SCAPER: variants seen among roughly 807,000 people sequenced by gnomAD.
SCAPER encodes the protein S-phase cyclin A associated protein in the ER.
SCAPER carries 98 observed loss-of-function variants against 182.2 expected under a neutral mutation model. The observed-to-expected ratio is 0.54, with a 90% CI of 0.46 to 0.64. The LOEUF (loss-of-function observed/expected upper bound fraction) is 0.64. SCAPER is among the 30% of genes least tolerant of loss of function. The pLI, the probability that SCAPER is intolerant of heterozygous loss-of-function variation, is 0.00. For synonymous variants in SCAPER, 605 were observed against 564.6 expected, an observed-to-expected ratio of 1.07 and a Z score of -1.01; for missense variants, 1,432 against 1,690.0, an observed-to-expected ratio of 0.85 and a Z score of 2.68.
chr15:76,471,484 C>T, intron 24 of SCAPER, 149 bp from the exon 25 acceptor site: 1 of 815,542 alleles, frequency 1.2e-6, no homozygotes, highest in Non-Finnish European at 1.8e-6. Context: ...GGTACAAGGC[C>T]CATCAGCTAG....
intron 21 of SCAPER, among the ~76,000 whole-genome samples, chr15:76,648,120 A>G (rs1476135787): frequency 2.6e-5 from 4 of 152,166 alleles, no homozygotes; most frequent in Non-Finnish European, 5.9e-5. Context: ...TCGGAGAAAA[A>G]TCAGCGTGAA....
intron 2 of SCAPER, 127 bp from the exon 3 acceptor site, chr15:76,862,660 T>A (rs2071972388): frequency 1.9e-6 from 1 of 536,824 alleles, no homozygotes; most frequent in Admixed American, 3.7e-5. Flanking sequence ...ATGTGGTGGG[T>A]GGTTAAACAG....
At chr15:76,572,400 A>G (rs2145342744) in intron 23 of SCAPER, among the ~76,000 whole-genome samples, 1 of 152,348 alleles carries the variant, frequency 6.6e-6, no homozygotes, top group Non-Finnish European at 1.5e-5. Context: ...ATGTGTGACA[A>G]GTACTAGTTT....
intron 20 of SCAPER, among the ~76,000 whole-genome samples, chr15:76,670,809 A>G (rs1272364147): frequency 6.6e-6 from 1 of 152,202 alleles, no homozygotes; most frequent in Admixed American, 6.5e-5. Flanking sequence ...GTCTTTACAT[A>G]TTACCTTTTA....
chr15:76,833,432 C>A (rs574415772), intron 5 of SCAPER, among the ~76,000 whole-genome samples: 5 of 151,940 alleles, frequency 3.3e-5, no homozygotes, highest in African/African-American at 9.7e-5. Context: ...CCCACTGACA[C>A]GAAAAAGCAA....
intron 20 of SCAPER, among the ~76,000 whole-genome samples, chr15:76,685,682 T>C (rs187114033): frequency 1.4e-4 from 21 of 152,232 alleles, no homozygotes; most frequent in Admixed American, 5.9e-4. Context: ...CAGTTTTTGA[T>C]AGAACTTGAC....
At chr15:76,583,461 C>T (rs374370019) in intron 22 of SCAPER, among the ~76,000 whole-genome samples, 22 of 151,440 alleles carry the variant, frequency 1.5e-4, no homozygotes, top group East Asian at 1.4e-3. Context: ...AGCAGAGGAA[C>T]GAATCAATAA....
intron 26 of SCAPER, among the ~76,000 whole-genome samples, chr15:76,420,740 C>T (rs2045973003): frequency 2.0e-5 from 3 of 152,110 alleles, no homozygotes; most frequent in African/African-American, 4.8e-5. Context: ...CATTTACATT[C>T]GGTATATCTC....
chr15:76,384,931 T>C (rs963183809), intron 27 of SCAPER, among the ~76,000 whole-genome samples: 7 of 152,236 alleles, frequency 4.6e-5, no homozygotes, highest in Non-Finnish European at 8.8e-5. Flanking sequence ...ATATCAGGCA[T>C]GTGTAATGAA....
intron 2 of SCAPER, among the ~76,000 whole-genome samples, chr15:76,876,434 A>G (rs1388090516): frequency 1.1e-5 from 1 of 93,716 alleles, no homozygotes; most frequent in African/African-American, 4.1e-5. Flanking sequence ...CCTCAAAACA[A>G]AAGCAAAAAA....
chr15:76,668,149 T>C (rs1187008724), intron 20 of SCAPER, among the ~76,000 whole-genome samples: 2 of 152,148 alleles, frequency 1.3e-5, no homozygotes, highest in African/African-American at 4.8e-5. Flanking sequence ...TCACATCCAA[T>C]ACATCAGCAA....
intron 26 of SCAPER, 126 bp from the exon 27 acceptor site, chr15:76,404,805 G>C: frequency 1.3e-6 from 1 of 762,212 alleles, no homozygotes; most frequent in Non-Finnish European, 1.9e-6. Flanking sequence ...ACAAGTTTGA[G>C]TAAAGCATCT....
At chr15:76,783,857 A>T (rs1210452268) in intron 8 of SCAPER, among the ~76,000 whole-genome samples, 1 of 152,234 alleles carries the variant, frequency 6.6e-6, no homozygotes, top group East Asian at 1.9e-4. Flanking sequence ...AAAACTCTCA[A>T]TAAACTAGGT....
At chr15:76,790,664 G>A (rs2064944985) in intron 8 of SCAPER, among the ~76,000 whole-genome samples, 3 of 151,980 alleles carry the variant, frequency 2.0e-5, no homozygotes, top group South Asian at 2.1e-4. Flanking sequence ...TACTCCTTGT[G>A]TCTTCTTTTT....
chr15:76,551,871 G>C lies in SCAPER; in HGVS notation c.2838+22287C>G, dbSNP rs530786391. ...ATAAAATACAACTTCAGCTAGATTT[G>C]TCTCTCATGCCTACATGTCTGTTGC... On this transcript the variant is annotated intron_variant, in intron 23 of 31. Coordinates refer to ENST00000563290, the MANE Select transcript of SCAPER (RefSeq NM_020843.4). 1.0e-3 allele frequency among the ~76,000 whole-genome samples: 154 copies of C among 152,048 alleles called. 4 individuals carry two copies. The South Asian group carries it at 0.031, about 31-fold the overall frequency.
intron 5 of SCAPER, among the ~76,000 whole-genome samples, chr15:76,840,292 C>T (rs770884485): frequency 5.3e-5 from 8 of 151,716 alleles, no homozygotes; most frequent in East Asian, 1.9e-4. Context: ...TGGTGGCATA[C>T]GCCTGTGGTC....
chr15:76,696,845 G>A (rs1256422039), intron 20 of SCAPER, among the ~76,000 whole-genome samples: 1 of 152,062 alleles, frequency 6.6e-6, no homozygotes, highest in Non-Finnish European at 1.5e-5. Flanking sequence ...AGATGAATGA[G>A]GAAACAAATC....
chr15:76,711,577 C>G (rs1377756713), intron 17 of SCAPER, among the ~76,000 whole-genome samples: 1 of 152,122 alleles, frequency 6.6e-6, no homozygotes, highest in African/African-American at 2.4e-5. Flanking sequence ...CTGCTGATGG[C>G]TATGTAAAAT....
intron 29 of SCAPER, among the ~76,000 whole-genome samples, chr15:76,357,667 A>G (rs1465383089): frequency 6.6e-6 from 1 of 152,228 alleles, no homozygotes; most frequent in African/African-American, 2.4e-5. Context: ...CACAATAGCA[A>G]AGAGATGGAC....
Sources: allele counts gnomAD v4.1 joint callset (sites outside exome capture counted in the v4.1 genomes callset), GRCh38; gene constraint gnomAD v4.1.1; transcripts MANE v1.5; gene names NCBI Gene and HGNC (gene_info 2026-07-23, HGNC 2026-07-21).